Variants in TOX observed in about 807,000 individuals in gnomAD.
TOX encodes the protein thymocyte selection-associated high mobility group box protein TOX.
Under a neutral mutation model 53.7 loss-of-function variants are expected in TOX, and 11 were observed. That is an observed-to-expected ratio of 0.20 (90% CI 0.13 to 0.34). TOX has a LOEUF of 0.34. TOX is among the 10% of genes least tolerant of loss of function. The pLI, the probability that TOX is intolerant of heterozygous loss-of-function variation, is 1.00. For synonymous variants in TOX, 225 were observed against 245.3 expected (o/e 0.92, Z 0.77); for missense variants, 570 against 664.6 (o/e 0.86, Z 1.56).
intron 2 of TOX, among the ~76,000 whole-genome samples, chr8:58,950,886 T>C (rs1302391604): frequency 1.3e-5 from 2 of 152,172 alleles, no homozygotes; most frequent in African/African-American, 4.8e-5. Flanking sequence ...GAATCACTGC[T>C]CTGCATCAAG....
chr8:58,820,367 G>A (rs1348871875), intron 6 of TOX, among the ~76,000 whole-genome samples: 1 of 151,790 alleles, frequency 6.6e-6, no homozygotes, highest in Non-Finnish European at 1.5e-5. Context: ...TATATTTGAT[G>A]TTATGACCTT....
chr8:58,981,326 A>T (rs1261156979), intron 1 of TOX, among the ~76,000 whole-genome samples: 1 of 152,162 alleles, frequency 6.6e-6, no homozygotes, highest in East Asian at 1.9e-4. Context: ...AAGAAGATGT[A>T]GACTAGATTT....
At chr8:58,837,786 T>C (rs1230098789) in intron 5 of TOX, among the ~76,000 whole-genome samples, 1 of 152,206 alleles carries the variant, frequency 6.6e-6, no homozygotes, top group Non-Finnish European at 1.5e-5. Flanking sequence ...AGTCTTTATG[T>C]TCACATTGGC....
At chr8:59,085,105 T>G (rs1317232996) in intron 1 of TOX, among the ~76,000 whole-genome samples, 2 of 152,226 alleles carry the variant, frequency 1.3e-5, no homozygotes, top group Non-Finnish European at 2.9e-5. Context: ...ATCCTCTAGA[T>G]ATTACACTAT....
chr8:58,870,250 T>C (rs1289361128), intron 3 of TOX, among the ~76,000 whole-genome samples: 1 of 152,160 alleles, frequency 6.6e-6, no homozygotes, highest in African/African-American at 2.4e-5. Context: ...GGCTTTCCTG[T>C]ATACCAGGAG....
chr8:58,932,898 T>C (rs1327642453), intron 3 of TOX, among the ~76,000 whole-genome samples: 1 of 152,220 alleles, frequency 6.6e-6, no homozygotes, highest in African/African-American at 2.4e-5. Flanking sequence ...TAAATCTGAG[T>C]ATATACATTA....
Position 58,808,209 on chromosome 8 carries a change from C to T in TOX, c.1453G>A (p.Val485Ile). ...IINPTSTAAQVVTQAMEYVRS... is the reference protein window; with the variant it reads ...IINPTSTAAQIVTQAMEYVRS... ...ACATACTCCATTGCCTGGGTGACAA[C>T]TTGTGCAGCTGTAGATGTAGGATTG... The change falls in exon 8 of 9, where the codon GTT (valine) becomes ATT (isoleucine). Residue 485 changes from valine to isoleucine, a missense_variant. Transcript: ENST00000361421. 1.2e-6 allele frequency: 2 copies of T among 1,614,116 alleles called. No individual in the cohort carries two copies. The highest frequency in any genetic ancestry group is 1.7e-6 in the Non-Finnish European group (2 of 1,179,996).
chr8:58,930,111 A>C (rs10504269), intron 3 of TOX, among the ~76,000 whole-genome samples: 80,516 of 151,952 alleles, frequency 0.53, 21,404 homozygotes, highest in African/African-American at 0.56. Flanking sequence ...AGCATTATAG[A>C]ATTTTAGACA....
At chr8:59,107,058 G>GGGA (rs1563448687) in intron 1 of TOX, among the ~76,000 whole-genome samples, 1 of 112,578 alleles carries the variant, frequency 8.9e-6, no homozygotes, top group African/African-American at 3.8e-5. Flanking sequence ...GGGGGGGGGG[G>GGGA]AACGTGACAT....
chr8:59,021,344 G>C (rs1311062353), intron 1 of TOX, among the ~76,000 whole-genome samples: 1 of 149,274 alleles, frequency 6.7e-6, no homozygotes, highest in African/African-American at 2.5e-5. Flanking sequence ...AAGAAATGTA[G>C]TATGAGATTC....
chr8:59,039,410 G>A (rs1277433134), intron 1 of TOX, among the ~76,000 whole-genome samples: 1 of 152,106 alleles, frequency 6.6e-6, no homozygotes, highest in African/African-American at 2.4e-5. Context: ...CTTTACCACG[G>A]TTGCTTTGGA....
chr8:59,015,460 T>C (rs758723271), intron 1 of TOX, among the ~76,000 whole-genome samples: 4 of 152,246 alleles, frequency 2.6e-5, no homozygotes, highest in Non-Finnish European at 5.9e-5. Flanking sequence ...ATTCTTTTGT[T>C]ATGCCCTTTG....
chr8:59,029,082 G>A (rs1231949834), intron 1 of TOX, among the ~76,000 whole-genome samples: 4 of 152,054 alleles, frequency 2.6e-5, no homozygotes, highest in Admixed American at 2.6e-4. Context: ...GGAGGAAATC[G>A]TACTGTCATT....
At chr8:58,887,902 T>C (rs1229702361) in intron 3 of TOX, among the ~76,000 whole-genome samples, 1 of 152,052 alleles carries the variant, frequency 6.6e-6, no homozygotes, top group Non-Finnish European at 1.5e-5. Flanking sequence ...TGGGAATACA[T>C]TCTGAGAATT....
At chr8:58,824,160 G>A (rs1455763701) in intron 6 of TOX, among the ~76,000 whole-genome samples, 3 of 152,140 alleles carry the variant, frequency 2.0e-5, no homozygotes, top group Non-Finnish European at 4.4e-5. Flanking sequence ...AAGACTGAGG[G>A]CAGTGCAGGT....
intron 1 of TOX, among the ~76,000 whole-genome samples, chr8:58,967,493 C>T (rs990375661): frequency 1.1e-4 from 16 of 152,110 alleles, no homozygotes; most frequent in Admixed American, 6.5e-5. Context: ...CCCATGTAGC[C>T]TCCAGAGGCA....
intron 1 of TOX, among the ~76,000 whole-genome samples, chr8:59,050,266 T>C (rs1218632114): frequency 6.6e-6 from 1 of 152,172 alleles, no homozygotes; most frequent in Non-Finnish European, 1.5e-5. Context: ...CAGCTCCAAG[T>C]TGACAAAGCA....
intron 3 of TOX, among the ~76,000 whole-genome samples, chr8:58,893,395 A>T (rs1368005272): frequency 6.6e-6 from 1 of 152,236 alleles, no homozygotes; most frequent in East Asian, 1.9e-4. Context: ...ACCTATTTCC[A>T]GATGATATTC....
chr8:58,961,299 A>G (rs551266546), intron 1 of TOX, among the ~76,000 whole-genome samples: 152 of 152,336 alleles, frequency 1.0e-3, no homozygotes, highest in Middle Eastern at 3.4e-3. Context: ...GACTAAGCTC[A>G]GAGAATCAAA....
Sources: gnomAD v4.1 joint callset for allele counts (sites outside exome capture counted in the v4.1 genomes callset) on GRCh38, gnomAD v4.1.1 for gene constraint, MANE v1.5 for transcripts, NCBI Gene and HGNC (gene_info 2026-07-23, HGNC 2026-07-21) for gene names.